The following DCAF1 variants were observed in gnomAD, a reference collection of about 807,000 sequenced individuals.
The protein encoded by DCAF1 is DDB1- and CUL4-associated factor 1.
DCAF1 carries 15 observed loss-of-function variants against 128.0 expected under a neutral mutation model. The ratio of observed to expected loss-of-function variants is 0.12; its 90% confidence interval spans 0.08 to 0.18. DCAF1 has a LOEUF of 0.18. Among genes scored for constraint, DCAF1 ranks in the 10% least tolerant of loss-of-function variants. The pLI is 1.00. For synonymous variants in DCAF1, 610 were observed against 603.0 expected (o/e 1.01, Z -0.17); for missense variants, 988 against 1,649.5 (o/e 0.60, Z 6.95).
At chr3:51,445,989 CTTTTTT>C (rs782164524) in intron 6 of DCAF1, among the ~76,000 whole-genome samples, 8 of 117,630 alleles carry the variant, frequency 6.8e-5, no homozygotes, top group Non-Finnish European at 1.2e-4. Flanking sequence ...AACCTAAGTT[CTTTTTT>C]TTTTTTTTTT....
intron 6 of DCAF1, among the ~76,000 whole-genome samples, chr3:51,447,719 G>A (rs1460514570): frequency 2.0e-5 from 3 of 152,088 alleles, no homozygotes; most frequent in Non-Finnish European, 2.9e-5. Flanking sequence ...AGGCCGAGGC[G>A]GGTGGATCAC....
chr3:51,450,797 GCCACTTCTATT>G (rs1702267982), intron 6 of DCAF1, among the ~76,000 whole-genome samples: 1 of 152,040 alleles, frequency 6.6e-6, no homozygotes, highest in South Asian at 2.1e-4. Context: ...GTCCACTTTT[GCCACTTCTATT>G]AAACATAGTA....
At chr3:51,401,237 C>G (rs927611842) in intron 24 of DCAF1, among the ~76,000 whole-genome samples, 1 of 151,714 alleles carries the variant, frequency 6.6e-6, no homozygotes, top group African/African-American at 2.4e-5. Flanking sequence ...CCAGGGCCTA[C>G]GTAAAGGTAC....
At chr3:51,458,657 G>C (rs1193224230) in intron 6 of DCAF1, among the ~76,000 whole-genome samples, 1 of 152,120 alleles carries the variant, frequency 6.6e-6, no homozygotes, top group Non-Finnish European at 1.5e-5. Context: ...TGACCACATA[G>C]TTGGAAGTAA....
chr3:51,429,022 T>A (rs1415192213), intron 12 of DCAF1, among the ~76,000 whole-genome samples: 1 of 152,148 alleles, frequency 6.6e-6, no homozygotes, highest in Non-Finnish European at 1.5e-5. Context: ...AAAGCTTTTT[T>A]ATACACACTT....
intron 13 of DCAF1, among the ~76,000 whole-genome samples, chr3:51,425,467 G>C (rs1490445920): frequency 2.7e-5 from 4 of 150,114 alleles, no homozygotes; most frequent in African/African-American, 9.8e-5. Context: ...GCAAGACTCT[G>C]TCTCCAAAAC....
At chr3:51,440,165 A>G (rs782292396) in intron 9 of DCAF1, 1 of 511,800 alleles carries the variant, frequency 2.0e-6, no homozygotes, top group South Asian at 1.4e-5. Flanking sequence ...TTAACACCTA[A>G]GTTTCTGTAG....
chr3:51,497,917 G>A (rs1165166419), intron 1 of DCAF1, among the ~76,000 whole-genome samples: 1 of 151,750 alleles, frequency 6.6e-6, no homozygotes, highest in East Asian at 1.9e-4. Context: ...GGGCGTGGTG[G>A]CAGGCACCAG....
intron 2 of DCAF1, among the ~76,000 whole-genome samples, chr3:51,486,574 C>T (rs1257431166): frequency 1.3e-5 from 2 of 152,042 alleles, no homozygotes; most frequent in African/African-American, 4.8e-5. Flanking sequence ...CTGACTTCAA[C>T]CTGAGAAAAC....
chr3:51,494,376 A>C (rs1166335795), intron 2 of DCAF1, among the ~76,000 whole-genome samples: 1 of 151,954 alleles, frequency 6.6e-6, no homozygotes, highest in Admixed American at 6.6e-5. Flanking sequence ...AGCCTCCCAA[A>C]GTGCTGGGAT....
At chr3:51,490,203 C>A (rs528891930) in intron 2 of DCAF1, among the ~76,000 whole-genome samples, 2 of 152,116 alleles carry the variant, frequency 1.3e-5, no homozygotes, top group Admixed American at 1.3e-4. Flanking sequence ...ATTGCTTGAG[C>A]TCAGGAATTC....
chr3:51,467,192 T>C (rs536935176), intron 4 of DCAF1, among the ~76,000 whole-genome samples: 2 of 151,932 alleles, frequency 1.3e-5, no homozygotes, highest in Admixed American at 1.3e-4. Flanking sequence ...ATTAGCCAGG[T>C]GCAGTGGCGG....
At chr3:51,491,638 G>T (rs1707655823) in intron 2 of DCAF1, among the ~76,000 whole-genome samples, 1 of 152,090 alleles carries the variant, frequency 6.6e-6, no homozygotes, top group Non-Finnish European at 1.5e-5. Context: ...AACTTGAGCA[G>T]GAGTTCGAGA....
At chr3:51,437,038 G>A (rs559714663) in intron 9 of DCAF1, among the ~76,000 whole-genome samples, 2 of 151,810 alleles carry the variant, frequency 1.3e-5, no homozygotes, top group Non-Finnish European at 2.9e-5. Context: ...TGAGGCAGGC[G>A]GATCCCTTGA....
chr3:51,406,996 C>T (rs1382880964), intron 23 of DCAF1, among the ~76,000 whole-genome samples: 3 of 152,104 alleles, frequency 2.0e-5, no homozygotes, highest in Non-Finnish European at 4.4e-5. Context: ...GAGTTCGAGA[C>T]CAGCCTGGGC....
intron 17 of DCAF1, among the ~76,000 whole-genome samples, chr3:51,417,891 G>C (rs901872770): frequency 5.3e-5 from 8 of 152,040 alleles, no homozygotes; most frequent in Non-Finnish European, 1.2e-4. Flanking sequence ...TAGATTCTGG[G>C]TCGGGGTCTG....
At chr3:51,487,070 C>T (rs1170813680) in intron 2 of DCAF1, among the ~76,000 whole-genome samples, 5 of 151,876 alleles carry the variant, frequency 3.3e-5, no homozygotes, top group African/African-American at 4.8e-5. Context: ...CGGATTCAAG[C>T]GAGCGATTCT....
chr3:51,494,719 T>A (rs1235651592), intron 2 of DCAF1, among the ~76,000 whole-genome samples: 2 of 152,028 alleles, frequency 1.3e-5, no homozygotes, highest in African/African-American at 2.4e-5. Flanking sequence ...TTTTTAAAAT[T>A]TTTTAATTTT....
At chr3:51,496,953 T>C (rs1240134947) in intron 1 of DCAF1, among the ~76,000 whole-genome samples, 173 bp from the exon 2 acceptor site, 2 of 152,066 alleles carry the variant, frequency 1.3e-5, no homozygotes, top group Non-Finnish European at 2.9e-5. Flanking sequence ...TTCCACAAAA[T>C]ATATATATAG....
Sources: gnomAD v4.1 joint callset for allele counts (sites outside exome capture counted in the v4.1 genomes callset) on GRCh38, gnomAD v4.1.1 for gene constraint, MANE v1.5 for transcripts, NCBI Gene and HGNC (gene_info 2026-07-23, HGNC 2026-07-21) for gene names.